Variants in TBC1D5 observed in about 807,000 individuals in gnomAD.
TBC1D5 encodes the protein TBC1 domain family, member 5.
In TBC1D5, 75 loss-of-function variants were observed where a neutral mutation model predicts 100.3. The observed-to-expected ratio is 0.75, with a 90% confidence interval of 0.62 to 0.91. The LOEUF is 0.91. Among genes scored for constraint, TBC1D5 ranks in the 40% least tolerant of loss-of-function variants. The probability of loss-of-function intolerance (pLI) is 0.00; values close to 1 mark genes in which losing one functional copy is unlikely to be tolerated. For synonymous variants in TBC1D5, 323 were observed against 325.6 expected (o/e 0.99, Z 0.09); for missense variants, 910 against 942.4 (o/e 0.97, Z 0.45).
rs761867627 is a variant in TBC1D5, at chr3:17,428,409, G to GTATA, written c.167+40_167+41insTATA. On this transcript the variant is annotated intron_variant, in intron 4 of 21. Coordinates refer to ENST00000253692, the Ensembl canonical transcript of TBC1D5. ...TATAATATTATATGTGTGTGTGTGT[G>GTATA]TGTATATATATATATATATATATAT... 1,096 of 386,064 alleles carry GTATA rather than the reference G, an allele frequency of 2.8e-3. 9 individuals carry two copies. The highest frequency in any genetic ancestry group is 0.015 in the African/African-American group (630 of 40,916). The allele number at this position is 386,064 out of a possible 1,614,324, so 23.9% of individuals were successfully genotyped here. A position where few individuals can be genotyped will look rare whatever the true frequency, so the allele number is the denominator to read the frequency against.
intron 3 of TBC1D5, among the ~76,000 whole-genome samples, chr3:17,461,951 T>C (rs1349026944): frequency 6.6e-6 from 1 of 152,200 alleles, no homozygotes; most frequent in Non-Finnish European, 1.5e-5. Flanking sequence ...TATCATTTTC[T>C]CTCTCCAATT....
In TBC1D5 at chr3:17,168,064, T is replaced by C. The variant is rs536018782; in HGVS notation, c.1853-236A>G. On this transcript the variant is annotated intron_variant, in intron 19 of 21. Transcript: ENST00000253692. ...ACATTCCATGAATGTACTCTCATCA[T>C]GACAGATGTGTCTTCACTTCCAACA... 3.3e-4 allele frequency among the ~76,000 whole-genome samples: 51 copies of C among 152,352 alleles called. 1 individual carries two copies. In the South Asian group the frequency reaches 0.01, roughly 30 times the overall value.
At position 17,661,532 on chromosome 3, in the gene TBC1D5, T is replaced by A. The variant is rs567156931; in HGVS notation, c.-100-37619A>T. On this transcript the variant is annotated intron_variant, in intron 1 of 21. Transcript: ENST00000253692. Reference sequence around the variant, plus strand: ...TTTTTTTTTTTTTTTGATGGAGTCTTGCTCTCTCACTAGACCGGAGTGCAG... The same window carrying A: ...TTTTTTTTTTTTTTTGATGGAGTCTAGCTCTCTCACTAGACCGGAGTGCAG... 9.9e-5 allele frequency among the ~76,000 whole-genome samples: 15 copies of A among 151,056 alleles called. No individual in the cohort carries two copies. The South Asian group carries it at 3.1e-3, about 32-fold the overall frequency.
At chr3:17,705,981 CTCT>C (rs2074098144) in intron 1 of TBC1D5, 9 of 1,356,982 alleles carry the variant, frequency 6.6e-6, no homozygotes, top group East Asian at 5.7e-5. Context: ...CATTTCTTTA[CTCT>C]TTTTTTTTTT....
intron 17 of TBC1D5, among the ~76,000 whole-genome samples, chr3:17,233,465 T>C (rs1475426244): frequency 3.3e-5 from 5 of 152,078 alleles, no homozygotes; most frequent in East Asian, 1.9e-4. Flanking sequence ...GCACACCTAA[T>C]AGAAAACCCA....
chr3:17,169,428 CAT>C (rs2066953131), intron 19 of TBC1D5, among the ~76,000 whole-genome samples: 2 of 152,216 alleles, frequency 1.3e-5, no homozygotes, highest in African/African-American at 4.8e-5. Context: ...ATACCATCAA[CAT>C]GTTTCCAGCC....
intron 3 of TBC1D5, among the ~76,000 whole-genome samples, chr3:17,493,120 C>T (rs2095659676): frequency 6.6e-6 from 1 of 151,440 alleles, no homozygotes; most frequent in South Asian, 2.1e-4. Context: ...TCTTGCAAGG[C>T]AAGCCTAATG....
chr3:17,211,073 T>C (rs1235645473), intron 18 of TBC1D5, among the ~76,000 whole-genome samples: 1 of 152,250 alleles, frequency 6.6e-6, no homozygotes, highest in Non-Finnish European at 1.5e-5. Context: ...GTTGCTTTTT[T>C]CTGTTTTTGT....
intron 2 of TBC1D5, among the ~76,000 whole-genome samples, chr3:17,582,401 C>T (rs1176635626): frequency 6.6e-6 from 1 of 152,040 alleles, no homozygotes; most frequent in African/African-American, 2.4e-5. Context: ...TTCTAACATA[C>T]ACAACTCAGA....
intron 1 of TBC1D5, among the ~76,000 whole-genome samples, chr3:17,636,494 TAATTA>T (rs1268455967): frequency 3.3e-5 from 5 of 151,928 alleles, no homozygotes; most frequent in Non-Finnish European, 5.9e-5. Flanking sequence ...AAAGCTATAA[TAATTA>T]AAAGAATATA....
chr3:17,407,120 A>T (rs2093791663), intron 4 of TBC1D5, among the ~76,000 whole-genome samples: 1 of 152,160 alleles, frequency 6.6e-6, no homozygotes, highest in Non-Finnish European at 1.5e-5. Context: ...CTCACTGTAA[A>T]AACTGTTAAA....
intron 4 of TBC1D5, among the ~76,000 whole-genome samples, chr3:17,427,152 G>C (rs2094353194): frequency 6.6e-6 from 1 of 151,898 alleles, no homozygotes; most frequent in South Asian, 2.1e-4. Flanking sequence ...ATATTTATAA[G>C]GTAGGATGGA....
intron 2 of TBC1D5, among the ~76,000 whole-genome samples, chr3:17,540,291 C>T (rs2096337128): frequency 6.6e-6 from 1 of 152,142 alleles, no homozygotes; most frequent in Non-Finnish European, 1.5e-5. Context: ...TGTCTTTTCA[C>T]CCTATTTATT....
At chr3:17,185,146 C>A in exon 19 of TBC1D5, 1 of 1,613,676 alleles carries the variant, frequency 6.2e-7, no homozygotes, top group South Asian at 1.1e-5. Context: ...AGTATTTGCA[C>A]ATGGCATCCA....
At chr3:17,610,341 T>C (rs1161560729) in intron 2 of TBC1D5, among the ~76,000 whole-genome samples, 2 of 152,106 alleles carry the variant, frequency 1.3e-5, no homozygotes, top group African/African-American at 2.4e-5. Flanking sequence ...TGCTCCACCA[T>C]GCATGACTAA....
intron 19 of TBC1D5, among the ~76,000 whole-genome samples, chr3:17,171,414 A>G (rs749930028): frequency 1.3e-5 from 2 of 152,204 alleles, no homozygotes; most frequent in Non-Finnish European, 2.9e-5. Flanking sequence ...AACAACAGAA[A>G]TGTATTTTCT....
intron 3 of TBC1D5, among the ~76,000 whole-genome samples, chr3:17,458,991 C>A (rs2095148212): frequency 6.6e-6 from 1 of 152,016 alleles, no homozygotes; most frequent in African/African-American, 2.4e-5. Flanking sequence ...ACAAGCTGAC[C>A]AAATTTCTAA....
intron 1 of TBC1D5, among the ~76,000 whole-genome samples, chr3:17,723,740 C>G (rs1261211599): frequency 6.6e-6 from 1 of 151,980 alleles, no homozygotes; most frequent in Non-Finnish European, 1.5e-5. Context: ...ATGTAGATAC[C>G]AGTCTATTTA....
At chr3:17,699,811 G>C (rs62245772) in intron 1 of TBC1D5, among the ~76,000 whole-genome samples, 3 of 148,136 alleles carry the variant, frequency 2.0e-5, no homozygotes, top group Admixed American at 6.7e-5. Flanking sequence ...ACTGTGTCAA[G>C]GGAAAAAAAA....
Sources: gnomAD v4.1 joint callset for allele counts (sites outside exome capture counted in the v4.1 genomes callset) on GRCh38, gnomAD v4.1.1 for gene constraint, MANE v1.5 for transcripts, NCBI Gene and HGNC (gene_info 2026-07-23, HGNC 2026-07-21) for gene names.